The following COBLL1 variants were observed in gnomAD, a reference collection of about 807,000 sequenced individuals.
COBLL1 encodes cordon-bleu protein-like 1.
A neutral mutation model predicts 94.8 loss-of-function variants in COBLL1; 50 were observed. The ratio of observed to expected loss-of-function variants is 0.53; its 90% CI spans 0.42 to 0.67. The LOEUF (loss-of-function observed/expected upper bound fraction) is 0.67. Among genes scored for constraint, COBLL1 ranks in the 30% least tolerant of loss-of-function variants. COBLL1 has a pLI of 0.00. For missense variants in COBLL1, 1,362 were observed against 1,348.7 expected, an observed-to-expected ratio of 1.01 and a Z score of -0.15; for synonymous variants, 448 against 473.8, an observed-to-expected ratio of 0.95 and a Z score of 0.71.
chr2:164,662,623 G>C (rs1248763137), intron 2 of COBLL1, among the ~76,000 whole-genome samples: 2 of 152,154 alleles, frequency 1.3e-5, no homozygotes, highest in Non-Finnish European at 2.9e-5. Flanking sequence ...AGTGGGAGAT[G>C]TTTGGATCAT....
At position 164,805,339 on chromosome 2, in the gene COBLL1, A is replaced by ATT. The variant is rs1559033664; in HGVS notation, c.41+35816_41+35817insAA. Among the ~76,000 whole-genome samples the ATT allele has an allele frequency of 2.0e-3, 107 of 54,422 alleles. 1 individual carries two copies. Among genetic ancestry groups the ATT allele is most frequent in the Non-Finnish European group, 3.0e-3 (74 of 24,706 alleles). The allele number at this position is 54,422 out of a possible 152,430, so 35.7% of individuals were successfully genotyped here. A position where few individuals can be genotyped will look rare whatever the true frequency, so the allele number is the denominator to read the frequency against. ...TCTCTCTCTCTCTCTCTCTCTCTCT[A>ATT]TATATATATATATATATATATATAA... On this transcript the variant is annotated intron_variant, in intron 2 of 13. Coordinates refer to ENST00000652658, the MANE Select transcript of COBLL1 (RefSeq NM_001365672.2).
chr2:164,722,435 T>G lies in COBLL1; in HGVS notation c.749A>C (p.Lys250Thr). ...TAAGAAAATACTTACTTGGTCTCGC[T>G]TTTTCTTACTGCGTTGAAAAAAACT... ...FFSFFQRSKK[K>T]RDQTASAPAT... is the part of the protein sequence containing the mutation. The change falls in exon 6 of 14, where the codon AAG (lysine) becomes ACG (threonine). Residue 250 changes from lysine (K) to threonine (T), a missense_variant. Coordinates refer to ENST00000652658, the MANE Select transcript of COBLL1 (RefSeq NM_001365672.2). The G allele has an allele frequency of 6.6e-7, 1 of 1,523,686 alleles. No homozygotes were observed. The highest frequency in any genetic ancestry group is 1.4e-5 in the African/African-American group (1 of 71,720). 94.4% of individuals were successfully genotyped at this position (1,523,686 alleles called of 1,614,324 possible). A position where few individuals can be genotyped will look rare whatever the true frequency, so the allele number is the denominator to read the frequency against.
intron 11 of COBLL1, 62 bp downstream of exon 11, chr2:164,699,343 A>G (rs1019292352): frequency 7.6e-6 from 8 of 1,050,150 alleles, no homozygotes; most frequent in African/African-American, 1.6e-5. Flanking sequence ...TAAAGTGTTA[A>G]GAACTGTCCT....
intron 2 of COBLL1, among the ~76,000 whole-genome samples, chr2:164,833,057 A>C (rs1559058789): frequency 1.3e-5 from 2 of 151,648 alleles, no homozygotes; most frequent in Non-Finnish European, 2.9e-5. Context: ...AACAAAAAAA[A>C]CAAAAAACAG....
intron 2 of COBLL1, among the ~76,000 whole-genome samples, chr2:164,776,747 T>C (rs1025750427): frequency 6.6e-6 from 1 of 152,060 alleles, no homozygotes; most frequent in Admixed American, 6.6e-5. Context: ...GAATCAGTTA[T>C]GAGGAACACT....
chr2:164,765,235 G>T (rs948937629), intron 2 of COBLL1, among the ~76,000 whole-genome samples: 1 of 152,102 alleles, frequency 6.6e-6, no homozygotes, highest in Non-Finnish European at 1.5e-5. Context: ...CACATATGAA[G>T]TACTCTTATC....
Position 164,841,609 on chromosome 2 carries a change from G to C in COBLL1, c.-51+101C>G. The C allele has an allele frequency of 2.7e-6, 1 of 373,318 alleles. No individual in the cohort carries two copies. Among genetic ancestry groups the C allele is most frequent in the East Asian group, 6.1e-5 (1 of 16,330 alleles). 23.1% of individuals were successfully genotyped at this position (373,318 alleles called of 1,614,324 possible). ...TGCCACGCCGGCAGCGCACTCCCAG[G>C]CTCCTCCGGCCGAGTTTGCACAAAC... On this transcript the variant is annotated intron_variant, in intron 1 of 13. Coordinates refer to ENST00000652658, the MANE Select transcript of COBLL1 (RefSeq NM_001365672.2). This position sits in a 1 kb window ranked among gnomAD's most constrained non-coding sequence, Gnocchi z 5.5.
rs1683506208 is a variant in COBLL1, at chr2:164,797,161, G to A, written c.41+43995C>T. 2.6e-5 allele frequency among the ~76,000 whole-genome samples: 4 copies of A among 152,160 alleles called. No homozygotes were observed. In the South Asian group the frequency reaches 8.3e-4, roughly 32 times the overall value. ...ACCTTTGTTGATGTCATAAGTTACAGGTAGAATGCGAATGTAACTCAAAGT... is the reference window on the plus strand; with the variant it reads ...ACCTTTGTTGATGTCATAAGTTACAAGTAGAATGCGAATGTAACTCAAAGT... On this transcript the variant is annotated intron_variant, in intron 2 of 13. Coordinates refer to ENST00000652658, the MANE Select transcript of COBLL1 (RefSeq NM_001365672.2).
chr2:164,838,156 C>A (rs1030454684), intron 2 of COBLL1, among the ~76,000 whole-genome samples: 5 of 152,172 alleles, frequency 3.3e-5, no homozygotes, highest in Non-Finnish European at 1.5e-5. Context: ...CCTACGGCAG[C>A]CACTATTTCT....
At chr2:164,780,800 T>C (rs1242639091) in intron 2 of COBLL1, among the ~76,000 whole-genome samples, 4 of 152,306 alleles carry the variant, frequency 2.6e-5, no homozygotes, top group Non-Finnish European at 5.9e-5. Flanking sequence ...CAAGGCAGGG[T>C]AGGCGACAGA....
At chr2:164,826,580 G>A (rs1336305635) in intron 2 of COBLL1, among the ~76,000 whole-genome samples, 1 of 152,180 alleles carries the variant, frequency 6.6e-6, no homozygotes, top group Admixed American at 6.6e-5. Flanking sequence ...AGAAACTGTG[G>A]GTTAGAGAGG....
intron 2 of COBLL1, among the ~76,000 whole-genome samples, chr2:164,747,432 A>G (rs935017264): frequency 2.6e-5 from 4 of 152,154 alleles, no homozygotes; most frequent in African/African-American, 9.7e-5. Context: ...ACATAAGCCA[A>G]TTTCTTTTAA....
At chr2:164,697,227 T>C (rs1684002461) in intron 11 of COBLL1, 1 of 152,292 alleles carries the variant, frequency 6.6e-6, no homozygotes, top group Admixed American at 6.5e-5. Context: ...ATATTAAACA[T>C]GTAATTTTAA....
chr2:164,742,157 G>T (rs1386071438), intron 3 of COBLL1, among the ~76,000 whole-genome samples: 1 of 151,928 alleles, frequency 6.6e-6, no homozygotes, highest in Non-Finnish European at 1.5e-5. Flanking sequence ...GAAAAAACAC[G>T]CTTCTGATAT....
At chr2:164,701,668 G>A (rs1684268216) in intron 9 of COBLL1, among the ~76,000 whole-genome samples, 1 of 124,988 alleles carries the variant, frequency 8.0e-6, no homozygotes, top group South Asian at 2.2e-4. Flanking sequence ...ACATTTCACT[G>A]TATAAAAAAA....
intron 12 of COBLL1, among the ~76,000 whole-genome samples, chr2:164,693,965 C>T (rs570452421): frequency 4.6e-5 from 7 of 152,082 alleles, no homozygotes; most frequent in Non-Finnish European, 8.8e-5. Flanking sequence ...TAAGATAACA[C>T]AGGAAAATAG....
At chr2:164,663,216 A>T (rs1691099264) in intron 2 of COBLL1, among the ~76,000 whole-genome samples, 1 of 152,232 alleles carries the variant, frequency 6.6e-6, no homozygotes. Flanking sequence ...TACATTTGAA[A>T]ATGTAAATAA....
intron 7 of COBLL1, chr2:164,718,249 G>A (rs1369168646): frequency 3.0e-6 from 3 of 984,658 alleles, no homozygotes; most frequent in Non-Finnish European, 3.6e-6. Context: ...TGCCTTCTGG[G>A]TGGGGAAAAG....
At chr2:164,730,338 A>T (rs995199107) in intron 3 of COBLL1, among the ~76,000 whole-genome samples, 3 of 151,150 alleles carry the variant, frequency 2.0e-5, no homozygotes, top group Non-Finnish European at 4.4e-5. Context: ...AAAAATAAAA[A>T]AAAAAAACAA....
Sources: gnomAD v4.1 joint callset for allele counts (sites outside exome capture counted in the v4.1 genomes callset) on GRCh38, gnomAD v4.1.1 for gene constraint, Gnocchi (gnomAD v3.1) non-coding constraint, MANE v1.5 for transcripts, NCBI Gene and HGNC (gene_info 2026-07-23, HGNC 2026-07-21) for gene names.